The following ATP13A4 variants were observed in gnomAD, a reference collection of about 807,000 sequenced individuals.
The protein encoded by ATP13A4 is ATPase 13A4.
Under a neutral mutation model 142.5 loss-of-function variants are expected in ATP13A4, and 114 were observed. That is an observed-to-expected ratio of 0.80 (90% CI 0.69 to 0.93). The LOEUF (loss-of-function observed/expected upper bound fraction) is 0.93. ATP13A4 is among the 40% of genes least tolerant of loss of function. The pLI is 0.00. For synonymous variants in ATP13A4, 488 were observed against 514.8 expected (o/e 0.95, Z 0.70); for missense variants, 1,392 against 1,454.0 (o/e 0.96, Z 0.69).
chr3:193,585,336 C>T (rs1319940302), intron 1 of ATP13A4, among the ~76,000 whole-genome samples: 1 of 152,130 alleles, frequency 6.6e-6, no homozygotes, highest in Non-Finnish European at 1.5e-5. Flanking sequence ...AGGAGAATCA[C>T]TTGAACCCAG....
chr3:193,537,924 G>T (rs1238438981), intron 1 of ATP13A4, among the ~76,000 whole-genome samples: 1 of 152,186 alleles, frequency 6.6e-6, no homozygotes, highest in Non-Finnish European at 1.5e-5. Flanking sequence ...GAGAGTAGAT[G>T]CATGTTTGCT....
At chr3:193,460,643 A>G (rs1717894421) in intron 13 of ATP13A4, among the ~76,000 whole-genome samples, 1 of 152,248 alleles carries the variant, frequency 6.6e-6, no homozygotes, top group Non-Finnish European at 1.5e-5. Context: ...CAGAAACTTA[A>G]ACGCACACTG....
At chr3:193,475,683 T>C (rs2108651964) in intron 8 of ATP13A4, among the ~76,000 whole-genome samples, 1 of 152,078 alleles carries the variant, frequency 6.6e-6, no homozygotes, top group South Asian at 2.1e-4. Context: ...AATACAAATA[T>C]AAGTTTGAAA....
At chr3:193,571,106 C>T (rs112319513) in intron 2 of ATP13A4, among the ~76,000 whole-genome samples, 4,308 of 151,856 alleles carry the variant, frequency 0.028, 184 homozygotes, top group African/African-American at 0.093. Flanking sequence ...GGCAAAACCC[C>T]GTCTCTACTA....
rs916962197 is a variant in ATP13A4 at position 193,421,074 on chromosome 3, C to T, written c.2843-6324G>A. 5.4e-5 allele frequency among the ~76,000 whole-genome samples: 8 copies of T among 149,396 alleles called. 2 individuals carry two copies. The highest frequency in any genetic ancestry group is 2.0e-4 in the African/African-American group (8 of 40,564). On this transcript the variant is annotated intron_variant, in intron 25 of 29. Transcript: ENST00000342695. Reference sequence around the variant, plus strand: ...ATCCAGATATATGAATTTCAGAGTCCCCAAAAGAATTCAACCCAAAGAGAT... The same window carrying T: ...ATCCAGATATATGAATTTCAGAGTCTCCAAAAGAATTCAACCCAAAGAGAT...
At chr3:193,579,282 CCTT>C (rs954772524) in intron 2 of ATP13A4, 1 of 183,544 alleles carries the variant, frequency 5.4e-6, no homozygotes, top group African/African-American at 2.4e-5. Context: ...TCAGCAGCCT[CCTT>C]CTCAAATTTT....
At chr3:193,439,604 A>G (rs1477373388) in intron 21 of ATP13A4, among the ~76,000 whole-genome samples, 1 of 152,218 alleles carries the variant, frequency 6.6e-6, no homozygotes, top group Non-Finnish European at 1.5e-5. Context: ...CACTCAACTC[A>G]AGTATGTAAT....
chr3:193,555,088 T>C (rs114073215), upstream of ATP13A4: 742 of 555,284 alleles, frequency 1.3e-3, 1 homozygote, highest in African/African-American at 0.013. Flanking sequence ...GCCGATCTTT[T>C]TGTGCCCAAC....
intron 23 of ATP13A4, among the ~76,000 whole-genome samples, chr3:193,436,244 T>G (rs1190898406): frequency 6.6e-6 from 1 of 152,194 alleles, no homozygotes; most frequent in Middle Eastern, 3.2e-3. Context: ...TTTCTAAAAC[T>G]GGACCAAAAC....
chr3:193,588,114 CAG>C (rs1464074440), intron 1 of ATP13A4, among the ~76,000 whole-genome samples: 1 of 152,122 alleles, frequency 6.6e-6, no homozygotes, highest in Non-Finnish European at 1.5e-5. Context: ...GCCTGGGAAA[CAG>C]AGCAAGACGC....
rs940719244 is a variant in ATP13A4 at position 193,403,976 on chromosome 3, T to A, written c.3379-1112A>T. Reference sequence around the variant, plus strand: ...TTTGCCATTTAGGTTCCACTGCCCATGAAAGGATAGAGAACAGCCAGTCTG... The same window carrying A: ...TTTGCCATTTAGGTTCCACTGCCCAAGAAAGGATAGAGAACAGCCAGTCTG... On this transcript the variant is annotated intron_variant, in intron 29 of 29. Coordinates refer to ENST00000342695, the MANE Select transcript of ATP13A4 (RefSeq NM_032279.4). 46 of 985,402 alleles carry A rather than the reference T, an allele frequency of 4.7e-5. No homozygotes were observed. The African/African-American group carries it at 7.3e-4, about 16-fold the overall frequency. The allele number at this position is 985,402 out of a possible 1,614,324, so 61.0% of individuals were successfully genotyped here.
chr3:193,543,997 G>GT (rs2108720149), intron 1 of ATP13A4, among the ~76,000 whole-genome samples: 1 of 152,296 alleles, frequency 6.6e-6, no homozygotes, highest in East Asian at 1.9e-4. Flanking sequence ...CCAAGCATCA[G>GT]TTGGTGTTCA....
chr3:193,491,543 C>T (rs1330798935), intron 5 of ATP13A4, 145 bp from the exon 6 acceptor site: 1 of 690,150 alleles, frequency 1.4e-6, no homozygotes, highest in East Asian at 2.7e-5. Flanking sequence ...CCATTCTGAT[C>T]CTTCTCAAAA....
chr3:193,589,096 T>C (rs563663648), intron 1 of ATP13A4, among the ~76,000 whole-genome samples: 140 of 152,246 alleles, frequency 9.2e-4, no homozygotes, highest in African/African-American at 3.2e-3. Flanking sequence ...GCCGAGATTG[T>C]GCCACTGCGC....
chr3:193,438,500 T>C lies in ATP13A4; in HGVS notation c.2647A>G (p.Ile883Val), dbSNP rs1202569484. ...ASPFTSKTPN[I>V]ECVPHLIKEG... ...TTGATAAGGTGAGGTACGCACTCAA[T>C]GTTTGGAGTTTTGGAAGTGAAAGGT... is the stretch of plus-strand genomic sequence containing the variant. Residue 883 changes from isoleucine (I) to valine (V), a missense_variant, in exon 23 of 30, where the codon ATT becomes GTT. Coordinates refer to ENST00000342695, the MANE Select transcript of ATP13A4 (RefSeq NM_032279.4). 1 of 1,613,856 alleles carries C rather than the reference T, an allele frequency of 6.2e-7. No individual in the cohort carries two copies.
intron 2 of ATP13A4, among the ~76,000 whole-genome samples, chr3:193,513,909 A>C (rs1721267293): frequency 6.6e-6 from 1 of 152,218 alleles, no homozygotes; most frequent in Non-Finnish European, 1.5e-5. Flanking sequence ...AATCGAGAGG[A>C]ACGGTCAGTG....
rs533109125 is a variant in ATP13A4 at position 193,399,623 on chromosome 3, C to A, written c.*3029G>T. On this transcript the variant is annotated 3_prime_UTR_variant, in exon 30 of 30. Transcript: ENST00000342695. ...CGGCACTTTGGGAGGCCGAGGCGGG[C>A]GGATCACGAGGTCAGGAGATTGAAA... Among the ~76,000 whole-genome samples the A allele has an allele frequency of 1.3e-5, 2 of 151,990 alleles. No homozygotes were observed. The highest frequency in any genetic ancestry group is 1.9e-4 in the East Asian group (1 of 5,148).
chr3:193,484,364 G>C (rs138942382), intron 7 of ATP13A4, among the ~76,000 whole-genome samples: 9 of 148,522 alleles, frequency 6.1e-5, no homozygotes, highest in Admixed American at 6.0e-4. Flanking sequence ...TAAGGAGTAT[G>C]GTGGTTCCTG....
chr3:193,574,127 T>G (rs1250084936), intron 2 of ATP13A4, among the ~76,000 whole-genome samples: 3 of 152,354 alleles, frequency 2.0e-5, no homozygotes, highest in African/African-American at 7.2e-5. Context: ...TTTCTTCTTT[T>G]TAACTAATTT....
Sources: allele counts gnomAD v4.1 joint callset (sites outside exome capture counted in the v4.1 genomes callset), GRCh38; gene constraint gnomAD v4.1.1; transcripts MANE v1.5; gene names NCBI Gene and HGNC (gene_info 2026-07-23, HGNC 2026-07-21).